The following TAF4B variants were observed in gnomAD, a reference collection of about 807,000 sequenced individuals.
TAF4B encodes the protein TATA-box binding protein associated factor 4b, also known as transcription initiation factor TFIID subunit 4B.
TAF4B carries 38 observed loss-of-function variants against 86.4 expected under a neutral mutation model. The observed-to-expected ratio is 0.44, with a 90% confidence interval of 0.34 to 0.58. TAF4B has a LOEUF of 0.58. Among genes scored for constraint, TAF4B ranks in the 20% least tolerant of loss-of-function variants. The pLI is 0.02. For synonymous variants in TAF4B, 388 were observed against 391.2 expected, an observed-to-expected ratio of 0.99 and a Z score of 0.10; for missense variants, 988 against 1,027.6, an observed-to-expected ratio of 0.96 and a Z score of 0.53.
At chr18:26,274,857 G>C in intron 4 of TAF4B, 33 bp downstream of exon 4, 1 of 1,613,404 alleles carries the variant, frequency 6.2e-7, no homozygotes, top group Non-Finnish European at 8.5e-7. Context: ...CATAAATCTT[G>C]TTCCTTGCAA....
chr18:26,300,253 T>C (rs2056714456), intron 9 of TAF4B, among the ~76,000 whole-genome samples: 2 of 151,854 alleles, frequency 1.3e-5, no homozygotes, highest in Admixed American at 1.3e-4. Context: ...CCTCCCAAAG[T>C]GCTGGGATTA....
intron 1 of TAF4B, among the ~76,000 whole-genome samples, chr18:26,264,625 G>T (rs1243687237): frequency 6.6e-6 from 1 of 152,160 alleles, no homozygotes; most frequent in Admixed American, 6.5e-5. Flanking sequence ...AGGGGAGTAA[G>T]ACCTAATTGC....
chr18:26,250,340 A>T (rs2055987233), intron 1 of TAF4B, among the ~76,000 whole-genome samples: 1 of 152,072 alleles, frequency 6.6e-6, no homozygotes, highest in African/African-American at 2.4e-5. Context: ...TACTACAAAT[A>T]CAAAAAATTA....
chr18:26,304,614 G>A (rs2056775541), intron 9 of TAF4B, among the ~76,000 whole-genome samples: 2 of 152,138 alleles, frequency 1.3e-5, no homozygotes, highest in Admixed American at 6.5e-5. Context: ...AACCACTTTA[G>A]TCTTCTTCCT....
chr18:26,285,001 T>G (rs1015305991), intron 6 of TAF4B, among the ~76,000 whole-genome samples: 1 of 151,942 alleles, frequency 6.6e-6, no homozygotes, highest in Non-Finnish European at 1.5e-5. Flanking sequence ...GAGGTTTTGC[T>G]CTGTCACCCA....
intron 9 of TAF4B, among the ~76,000 whole-genome samples, chr18:26,299,969 T>C (rs959270180): frequency 2.6e-5 from 4 of 152,044 alleles, no homozygotes; most frequent in Non-Finnish European, 4.4e-5. Flanking sequence ...ATGTAGTCTC[T>C]CTCTTTTTAT....
At chr18:26,241,012 C>T (rs551725889) in intron 1 of TAF4B, among the ~76,000 whole-genome samples, 46 of 152,206 alleles carry the variant, frequency 3.0e-4, no homozygotes, top group African/African-American at 1.1e-3. Context: ...ATTTTTGTAT[C>T]GATGTTCATC....
intron 10 of TAF4B, among the ~76,000 whole-genome samples, chr18:26,320,723 C>G (rs1185088397): frequency 2.0e-5 from 3 of 151,946 alleles, no homozygotes; most frequent in Non-Finnish European, 4.4e-5. Flanking sequence ...TTTTTAATTA[C>G]TAAAATTAAC....
At chr18:26,305,325 C>CAATGCCACCTTTATCTTATAGTTTT (rs2056782905) in intron 9 of TAF4B, among the ~76,000 whole-genome samples, 2 of 152,054 alleles carry the variant, frequency 1.3e-5, no homozygotes, top group African/African-American at 2.4e-5. Flanking sequence ...CTTTAACTTT[C>CAATGCCACCTTTATCTTATAGTTTT]TTATTTGCAA....
chr18:26,311,068 T>G (rs2056849488), intron 9 of TAF4B, among the ~76,000 whole-genome samples: 1 of 152,192 alleles, frequency 6.6e-6, no homozygotes, highest in East Asian at 1.9e-4. Flanking sequence ...TTAGGTTGTT[T>G]CCATTGTTTC....
Position 26,365,946 on chromosome 18 carries a change from C to T in TAF4B, c.2421+8152C>T, listed in dbSNP as rs192994583. 4.9e-3 allele frequency among the ~76,000 whole-genome samples: 742 copies of T among 152,188 alleles called. 8 individuals are homozygous for T. Among genetic ancestry groups the T allele is most frequent in the Non-Finnish European group, 4.1e-3 (276 of 67,996 alleles). ...CTGGGACCACAGGCACACGCCACCT[C>T]GCCTGACTAATTTTTTGTATTTTTA... On this transcript the variant is annotated intron_variant, in intron 14 of 14. Transcript: ENST00000269142.
intron 1 of TAF4B, among the ~76,000 whole-genome samples, chr18:26,236,305 A>G (rs1474167268): frequency 1.3e-5 from 2 of 152,200 alleles, no homozygotes; most frequent in Non-Finnish European, 2.9e-5. Flanking sequence ...GATTCTTAGG[A>G]TGGTAATGGA....
chr18:26,252,911 TG>T (rs1451883897), intron 1 of TAF4B, among the ~76,000 whole-genome samples: 2 of 152,036 alleles, frequency 1.3e-5, no homozygotes, highest in Non-Finnish European at 2.9e-5. Context: ...TAGGTATGTA[TG>T]TATAGAAAAA....
intron 14 of TAF4B, among the ~76,000 whole-genome samples, chr18:26,363,018 C>T (rs940285860): frequency 1.3e-5 from 2 of 152,000 alleles, no homozygotes; most frequent in African/African-American, 2.4e-5. Context: ...GGAAGATATG[C>T]GTAGGTTACA....
intron 5 of TAF4B, among the ~76,000 whole-genome samples, chr18:26,276,662 A>C (rs1300659397): frequency 6.6e-6 from 1 of 152,202 alleles, no homozygotes; most frequent in Non-Finnish European, 1.5e-5. Context: ...AGATGTCTAA[A>C]ATACCTCATA....
chr18:26,340,228 C>T (rs1425087521), intron 13 of TAF4B, among the ~76,000 whole-genome samples: 7 of 152,034 alleles, frequency 4.6e-5, no homozygotes, highest in African/African-American at 1.7e-4. Flanking sequence ...AGGCTCATTA[C>T]TGATTAGAAA....
At chr18:26,346,829 ATATATATGTGTGTGTG>A (rs2057194024) in intron 13 of TAF4B, among the ~76,000 whole-genome samples, 1 of 25,464 alleles carries the variant, frequency 3.9e-5, no homozygotes, top group African/African-American at 9.2e-5. Context: ...GTGTGTATAT[ATATATATGTGTGTGTG>A]TATATATATA....
chr18:26,311,355 C>G (rs2056851932), intron 9 of TAF4B, among the ~76,000 whole-genome samples: 1 of 152,144 alleles, frequency 6.6e-6, no homozygotes, highest in African/African-American at 2.4e-5. Flanking sequence ...AGCAAAGGGG[C>G]TGGGCGTGGT....
chr18:26,280,799 G>T (rs1568124786), intron 5 of TAF4B, among the ~76,000 whole-genome samples: 1 of 152,092 alleles, frequency 6.6e-6, no homozygotes, highest in African/African-American at 2.4e-5. Flanking sequence ...CCATTACTGG[G>T]TATATATCCA....
Sources: allele counts gnomAD v4.1 joint callset (sites outside exome capture counted in the v4.1 genomes callset), GRCh38; gene constraint gnomAD v4.1.1; transcripts MANE v1.5; gene names NCBI Gene and HGNC (gene_info 2026-07-23, HGNC 2026-07-21).